The following LRGUK variants were observed in gnomAD, a reference collection of about 807,000 sequenced individuals.
LRGUK encodes the protein leucine-rich repeat and guanylate kinase domain-containing protein.
Under a neutral mutation model 76.0 loss-of-function variants are expected in LRGUK, and 65 were observed. The observed-to-expected ratio is 0.85, with a 90% CI of 0.70 to 1.05. LRGUK has a LOEUF of 1.05. Ranked by LOEUF, LRGUK falls within the 50% of genes least tolerant of loss-of-function variation. The pLI, the probability that LRGUK is intolerant of heterozygous loss-of-function variation, is 0.00. For synonymous variants in LRGUK, 268 were observed against 265.6 expected, an observed-to-expected ratio of 1.01 and a Z score of -0.09; for missense variants, 758 against 732.8, an observed-to-expected ratio of 1.03 and a Z score of -0.40.
At chr7:134,212,219 A>G (rs906505704), downstream of LRGUK, among the ~76,000 whole-genome samples, 2 of 152,346 alleles carry the variant, frequency 1.3e-5, no homozygotes, top group Admixed American at 1.3e-4. Context: ...TCTGGCAAGG[A>G]CCAGGGTTAC....
At chr7:134,140,987 C>A (rs950646465) in intron 3 of LRGUK, among the ~76,000 whole-genome samples, 16 of 152,270 alleles carry the variant, frequency 1.1e-4, no homozygotes, top group African/African-American at 3.8e-4. Context: ...CTGGCAGGAG[C>A]ACTTGGCCTA....
intron 15 of LRGUK, among the ~76,000 whole-genome samples, chr7:134,208,466 T>G (rs1005367507): frequency 6.6e-6 from 1 of 152,200 alleles, no homozygotes; most frequent in Admixed American, 6.5e-5. Context: ...AAACCTCTTA[T>G]GTTTATTCAT....
At chr7:134,199,982 T>TTATATATATA (rs71172442) in intron 14 of LRGUK, among the ~76,000 whole-genome samples, 54 of 38,410 alleles carry the variant, frequency 1.4e-3, no homozygotes, top group South Asian at 3.0e-3. Context: ...CTAGAAACTT[T>TTATATATATA]TATATATATA....
chr7:134,203,371 G>T (rs1800867712), intron 15 of LRGUK, among the ~76,000 whole-genome samples: 1 of 152,178 alleles, frequency 6.6e-6, no homozygotes, highest in South Asian at 2.1e-4. Flanking sequence ...TTGTGTTTTA[G>T]CGGTTGTGAC....
intron 15 of LRGUK, among the ~76,000 whole-genome samples, chr7:134,208,373 T>G (rs910941283): frequency 6.6e-6 from 1 of 152,206 alleles, no homozygotes; most frequent in East Asian, 1.9e-4. Context: ...TGGTAAAAAT[T>G]TAAAGTCTCA....
At chr7:134,149,773 G>A (rs1271420604) in intron 5 of LRGUK, among the ~76,000 whole-genome samples, 2 of 152,154 alleles carry the variant, frequency 1.3e-5, no homozygotes, top group African/African-American at 4.8e-5. Context: ...CAAAGAAATA[G>A]CTGGACAGTC....
chr7:134,258,226 CA>C, intron 18 of LRGUK, 30 bp from the exon 19 acceptor site: 1 of 1,613,132 alleles, frequency 6.2e-7, no homozygotes, highest in Non-Finnish European at 8.5e-7. Context: ...GTTTGGATCT[CA>C]AAAAGATCTT....
intron 12 of LRGUK, among the ~76,000 whole-genome samples, chr7:134,194,760 T>C (rs1420952018): frequency 6.6e-6 from 1 of 152,098 alleles, no homozygotes; most frequent in Non-Finnish European, 1.5e-5. Flanking sequence ...AGAGATTTAG[T>C]GTAAGAAATT....
chr7:134,140,115 C>T (rs1433863207), intron 3 of LRGUK, among the ~76,000 whole-genome samples: 3 of 151,974 alleles, frequency 2.0e-5, no homozygotes, highest in East Asian at 1.9e-4. Context: ...ACTACAGGCA[C>T]GCACCACCAC....
At chr7:134,242,133 A>C (rs201331247) in intron 16 of LRGUK, among the ~76,000 whole-genome samples, 2 of 152,216 alleles carry the variant, frequency 1.3e-5, no homozygotes, top group South Asian at 4.1e-4. Context: ...CTAACATCAC[A>C]ATTAAAAGAA....
downstream of LRGUK, among the ~76,000 whole-genome samples, chr7:134,266,150 C>T (rs928310364): frequency 3.3e-5 from 5 of 152,194 alleles, no homozygotes; most frequent in African/African-American, 7.2e-5. Flanking sequence ...GTGTCAGAAA[C>T]GTCCTACTGA....
intron 18 of LRGUK, among the ~76,000 whole-genome samples, chr7:134,257,483 G>A (rs1276631644): frequency 6.6e-6 from 1 of 152,106 alleles, no homozygotes; most frequent in Non-Finnish European, 1.5e-5. Context: ...GATTTCAGAT[G>A]CCCAATCATA....
At chr7:134,262,051 C>A (rs1006319990) in intron 19 of LRGUK, among the ~76,000 whole-genome samples, 3 of 152,184 alleles carry the variant, frequency 2.0e-5, no homozygotes, top group African/African-American at 7.2e-5. Context: ...ACAACCATTT[C>A]TTTAATAAAC....
At chr7:134,148,374 A>T in intron 5 of LRGUK, 55 bp downstream of exon 5, 5 of 1,025,218 alleles carry the variant, frequency 4.9e-6, no homozygotes, top group Non-Finnish European at 7.3e-6. Context: ...AAAATTAAAG[A>T]CTACATATTC....
At chr7:134,225,648 C>T (rs1801724034) in intron 16 of LRGUK, among the ~76,000 whole-genome samples, 1 of 152,158 alleles carries the variant, frequency 6.6e-6, no homozygotes, top group Admixed American at 6.5e-5. Flanking sequence ...CTGAATTGCT[C>T]TTGTCATATA....
At chr7:134,234,902 C>A (rs1801979245) in intron 16 of LRGUK, among the ~76,000 whole-genome samples, 1 of 152,120 alleles carries the variant, frequency 6.6e-6, no homozygotes, top group South Asian at 2.1e-4. Flanking sequence ...AGTTATCAGG[C>A]CAAAAACTTT....
intron 16 of LRGUK, among the ~76,000 whole-genome samples, chr7:134,241,004 A>G (rs1802136500): frequency 6.6e-6 from 1 of 152,206 alleles, no homozygotes; most frequent in Non-Finnish European, 1.5e-5. Flanking sequence ...AACAAATGCT[A>G]AGAGATTTTG....
intron 7 of LRGUK, among the ~76,000 whole-genome samples, chr7:134,170,487 T>C (rs968449195): frequency 2.0e-5 from 3 of 152,128 alleles, no homozygotes; most frequent in South Asian, 4.1e-4. Context: ...GAGGTGACTA[T>C]AGTTAATAAT....
intron 15 of LRGUK, 39 bp from the exon 16 acceptor site, chr7:134,221,740 A>T (rs777270521): frequency 7.0e-7 from 1 of 1,421,590 alleles, no homozygotes; most frequent in East Asian, 2.6e-5. Context: ...AATTTCCTTT[A>T]TGACTTTTAT....
Sources: allele counts gnomAD v4.1 joint callset (sites outside exome capture counted in the v4.1 genomes callset), GRCh38; gene constraint gnomAD v4.1.1; transcripts MANE v1.5; gene names NCBI Gene and HGNC (gene_info 2026-07-23, HGNC 2026-07-21).